PTPRD: variants seen among roughly 807,000 people sequenced by gnomAD.
The protein encoded by PTPRD is protein tyrosine phosphatase receptor type D.
Under a neutral mutation model 214.5 loss-of-function variants are expected in PTPRD, and 34 were observed. The observed-to-expected ratio is 0.16, with a 90% CI of 0.12 to 0.21. PTPRD has a LOEUF of 0.21. Among genes scored for constraint, PTPRD ranks in the 10% least tolerant of loss-of-function variants. The pLI is 1.00. For missense variants in PTPRD, 2,545 were observed against 2,398.7 expected (o/e 1.06, Z -1.27); for synonymous variants, 1,128 against 845.7 (o/e 1.33, Z -5.79).
At chr9:10,311,612 C>A (rs1309076485) in intron 3 of PTPRD, among the ~76,000 whole-genome samples, 1 of 151,970 alleles carries the variant, frequency 6.6e-6, no homozygotes, top group African/African-American at 2.4e-5. Context: ...TGTTGGGCAC[C>A]AAGCTGTTGT....
chr9:10,097,835 T>A (rs1045853884), intron 3 of PTPRD, among the ~76,000 whole-genome samples: 2 of 151,848 alleles, frequency 1.3e-5, no homozygotes, highest in African/African-American at 4.8e-5. Context: ...AAGGGAATGC[T>A]TCCAGCTTTT....
At chr9:8,434,150 T>G (rs1055557473) in intron 35 of PTPRD, among the ~76,000 whole-genome samples, 11 of 152,050 alleles carry the variant, frequency 7.2e-5, no homozygotes, top group African/African-American at 2.4e-4. Context: ...GCCTGGCTAA[T>G]TTTGTATTTT....
intron 10 of PTPRD, among the ~76,000 whole-genome samples, chr9:9,040,483 G>T (rs1002853742): frequency 2.0e-5 from 3 of 152,130 alleles, no homozygotes; most frequent in African/African-American, 7.2e-5. Context: ...TTGGAGTGTA[G>T]AATCTTAGCC....
At chr9:8,685,368 A>T (rs72700351) in intron 12 of PTPRD, among the ~76,000 whole-genome samples, 43,044 of 152,006 alleles carry the variant, frequency 0.28, 6,771 homozygotes, top group African/African-American at 0.42. Context: ...GGAAAAAAAA[A>T]TCATTTTTGA....
At chr9:10,465,750 G>A (rs1406904053) in intron 2 of PTPRD, among the ~76,000 whole-genome samples, 1 of 152,196 alleles carries the variant, frequency 6.6e-6, no homozygotes, top group African/African-American at 2.4e-5. Flanking sequence ...GCCTAGGTGT[G>A]TAGGCTATAC....
At chr9:9,599,264 C>A (rs980215455) in intron 7 of PTPRD, among the ~76,000 whole-genome samples, 1 of 152,048 alleles carries the variant, frequency 6.6e-6, no homozygotes, top group Non-Finnish European at 1.5e-5. Context: ...AGTAACTCTT[C>A]CGATGCTCGT....
intron 8 of PTPRD, among the ~76,000 whole-genome samples, chr9:9,556,533 A>C (rs1357862619): frequency 6.6e-6 from 1 of 152,238 alleles, no homozygotes; most frequent in Non-Finnish European, 1.5e-5. Flanking sequence ...TGTGTTTCAC[A>C]CTTTGAATCT....
intron 7 of PTPRD, among the ~76,000 whole-genome samples, chr9:9,605,601 C>A (rs1455669675): frequency 6.6e-6 from 1 of 151,998 alleles, no homozygotes; most frequent in Non-Finnish European, 1.5e-5. Context: ...GTAGATGTAT[C>A]ATTATGCAAA....
At chr9:10,014,632 T>C (rs2096664340) in intron 4 of PTPRD, among the ~76,000 whole-genome samples, 1 of 151,950 alleles carries the variant, frequency 6.6e-6, no homozygotes, top group African/African-American at 2.4e-5. Context: ...AAGTCATAAA[T>C]GACAAGAGGA....
Position 9,651,839 on chromosome 9 carries a change from T to G in PTPRD, c.-286-77058A>C, listed in dbSNP as rs1355193667. 8.8e-4 allele frequency among the ~76,000 whole-genome samples: 117 copies of G among 132,578 alleles called. 2 individuals are homozygous for G. The highest frequency in any genetic ancestry group is 3.1e-3 in the Admixed American group (42 of 13,458). The allele number at this position is 132,578 out of a possible 152,430, so 87.0% of individuals were successfully genotyped here. A position where few individuals can be genotyped will look rare whatever the true frequency, so the allele number is the denominator to read the frequency against. ...TATTCAAGGTTTGTTTTTTTTTTTT[T>G]TTTTTTTTTTTTTTTAATGGAGTCT... On this transcript the variant is annotated intron_variant, in intron 7 of 45. Transcript: ENST00000381196.
intron 10 of PTPRD, among the ~76,000 whole-genome samples, chr9:9,100,932 C>G (rs576107281): frequency 6.6e-6 from 1 of 151,782 alleles, no homozygotes; most frequent in Non-Finnish European, 1.5e-5. Context: ...ATTTATAATG[C>G]GTAAATTGGA....
intron 8 of PTPRD, among the ~76,000 whole-genome samples, chr9:9,432,265 C>G (rs1316011220): frequency 1.3e-5 from 2 of 151,956 alleles, no homozygotes; most frequent in South Asian, 4.1e-4. Flanking sequence ...GAATCAGACA[C>G]TGGCTTATCT....
rs142450956 is a variant in PTPRD at position 8,552,772 on chromosome 9, A to T, written c.353-23993T>A. Among the ~76,000 whole-genome samples the T allele has an allele frequency of 1.0e-3, 157 of 152,266 alleles. 1 individual carries two copies. The highest frequency in any genetic ancestry group is 3.5e-3 in the African/African-American group (145 of 41,556). ...TGGATTGATAATGACCATAAATTTA[A>T]TTCTGAGTTGGCTATATGACTTGCT... is the stretch of plus-strand genomic sequence containing the variant. On this transcript the variant is annotated intron_variant, in intron 14 of 45. Coordinates refer to ENST00000381196, the MANE Select transcript of PTPRD (RefSeq NM_002839.4).
chr9:9,904,561 A>T (rs1159841010), intron 5 of PTPRD, among the ~76,000 whole-genome samples: 1 of 152,006 alleles, frequency 6.6e-6, no homozygotes, highest in Non-Finnish European at 1.5e-5. Flanking sequence ...GGCCACAGTA[A>T]TTTTTTTAGC....
intron 2 of PTPRD, among the ~76,000 whole-genome samples, chr9:10,421,736 GCTTGTTATTTTC>G (rs2098547887): frequency 6.6e-6 from 1 of 151,738 alleles, no homozygotes; most frequent in Non-Finnish European, 1.5e-5. Flanking sequence ...ATAGAAACTT[GCTTGTTATTTTC>G]GTTTACTTTA....
chr9:9,208,501 A>G, intron 9 of PTPRD, among the ~76,000 whole-genome samples: 1 of 152,012 alleles, frequency 6.6e-6, no homozygotes, highest in East Asian at 1.9e-4. Flanking sequence ...TTTATTTGGT[A>G]TTTTGCTTTG....
rs535344466 is a variant in PTPRD, at chr9:9,450,095, GGTGT to G, written c.-236-52617_-236-52614del. 6.2e-5 allele frequency among the ~76,000 whole-genome samples: 9 copies of G among 146,104 alleles called. No homozygotes were observed. The South Asian group carries it at 1.3e-3, about 21-fold the overall frequency. ...GTTTTATGGCTGAGTAGTATTCCAT[GGTGT>G]GTGTGTGTGTGTGTGTGTGTCTGTG... is the stretch of plus-strand genomic sequence containing the variant. On this transcript the variant is annotated intron_variant, in intron 8 of 45. Coordinates refer to ENST00000381196, the MANE Select transcript of PTPRD (RefSeq NM_002839.4).
chr9:9,658,804 G>T (rs1301963504), intron 7 of PTPRD, among the ~76,000 whole-genome samples: 2 of 152,000 alleles, frequency 1.3e-5, no homozygotes, highest in East Asian at 1.9e-4. Flanking sequence ...TGCTTTATAA[G>T]CATTATCTTA....
chr9:10,170,427 C>T (rs1175948733), intron 3 of PTPRD, among the ~76,000 whole-genome samples: 1 of 152,160 alleles, frequency 6.6e-6, no homozygotes, highest in Non-Finnish European at 1.5e-5. Context: ...CGTGCAGGCT[C>T]ACACCTGTAA....
Sources: allele counts gnomAD v4.1 joint callset (sites outside exome capture counted in the v4.1 genomes callset), GRCh38; gene constraint gnomAD v4.1.1; transcripts MANE v1.5; gene names NCBI Gene and HGNC (gene_info 2026-07-23, HGNC 2026-07-21).